The following SLC25A24 variants were observed in gnomAD, a reference collection of about 807,000 sequenced individuals.
SLC25A24 encodes mitochondrial adenyl nucleotide antiporter SLC25A24.
A neutral mutation model predicts 60.7 loss-of-function variants in SLC25A24; 49 were observed. The ratio of observed to expected loss-of-function variants is 0.81; its 90% CI spans 0.64 to 1.02. SLC25A24 has a LOEUF of 1.02. SLC25A24 is among the 50% of genes least tolerant of loss of function. The pLI, the probability that SLC25A24 is intolerant of heterozygous loss-of-function variation, is 0.00. For synonymous variants in SLC25A24, 202 were observed against 200.6 expected (o/e 1.01, Z -0.06); for missense variants, 564 against 586.3 (o/e 0.96, Z 0.39).
intron 8 of SLC25A24, among the ~76,000 whole-genome samples, chr1:108,140,741 T>G (rs1679422367): frequency 6.6e-6 from 1 of 151,060 alleles, no homozygotes; most frequent in African/African-American, 2.4e-5. Context: ...CTTTATGTAG[T>G]TGCAATGGTA....
intron 8 of SLC25A24, 95 bp from the exon 9 acceptor site, chr1:108,139,303 T>C (rs1459260139): frequency 2.3e-6 from 3 of 1,291,274 alleles, no homozygotes; most frequent in African/African-American, 1.5e-5. Context: ...GAAGCCCCGT[T>C]TCTGCAGGAT....
At chr1:108,176,624 G>A (rs79106690) in intron 3 of SLC25A24, among the ~76,000 whole-genome samples, 2,442 of 152,230 alleles carry the variant, frequency 0.016, 20 homozygotes, top group Non-Finnish European at 0.023. Context: ...CCTGAAAACA[G>A]CAAAAGATAA....
At chr1:108,175,905 A>C (rs1571301744) in intron 3 of SLC25A24, among the ~76,000 whole-genome samples, 1 of 152,184 alleles carries the variant, frequency 6.6e-6, no homozygotes, top group African/African-American at 2.4e-5. Flanking sequence ...TTCTCAGACA[A>C]AGCCAGTCTG....
chr1:108,180,658 C>CTCTCTG (rs1558024003), intron 3 of SLC25A24, among the ~76,000 whole-genome samples: 47 of 105,046 alleles, frequency 4.5e-4, no homozygotes, highest in African/African-American at 1.5e-3. Context: ...CTCTCTCTCT[C>CTCTCTG]TCTCTCTCTG....
intron 1 of SLC25A24, among the ~76,000 whole-genome samples, chr1:108,188,565 A>G (rs993841252): frequency 2.0e-5 from 3 of 152,202 alleles, no homozygotes; most frequent in Non-Finnish European, 4.4e-5. Context: ...ATTTTGGCCA[A>G]TGGAAATATC....
At chr1:108,167,437 A>G (rs1397291449) in intron 3 of SLC25A24, among the ~76,000 whole-genome samples, 3 of 152,214 alleles carry the variant, frequency 2.0e-5, no homozygotes, top group African/African-American at 7.2e-5. Context: ...GCTAGCAATC[A>G]GCGAGACTCC....
Position 108,200,111 on chromosome 1 carries a change from G to A in SLC25A24, c.28C>T (p.Leu10=), listed in dbSNP as rs764530479. ...GCGTCCTGGCAGGCCGCGGTGGGCAGCACGAAGTCCCGCAGCCAGCGCAAC... is the reference window on the plus strand; with the variant it reads ...GCGTCCTGGCAGGCCGCGGTGGGCAACACGAAGTCCCGCAGCCAGCGCAAC... MLRWLRDFV[L]PTAACQDAEQ... The change falls in exon 1 of 10, where the codon CTG becomes TTG. Residue 10 remains leucine (L), a synonymous_variant. Transcript: ENST00000565488. 3.2e-6 allele frequency: 5 copies of A among 1,565,836 alleles called. No homozygotes were observed. In the Admixed American group the frequency reaches 9.5e-5, roughly 30 times the overall value.
Position 108,181,975 on chromosome 1 carries a change from TAGTC to T in SLC25A24, c.360_363del (p.Thr121PhefsTer8), listed in dbSNP as rs764911793. 43 of 1,612,898 alleles carry T rather than the reference TAGTC, an allele frequency of 2.7e-5. No homozygotes were observed. Among genetic ancestry groups the T allele is most frequent in the Non-Finnish European group, 3.4e-5 (40 of 1,179,422 alleles). ...ATCAACTCTGCTTGTTGTTCAGAAA[TAGTC>T]AGACCCAGTGTCTGGAGAGACTGGA... On this transcript the variant is annotated frameshift_variant, in exon 3 of 10. Transcript: ENST00000565488. LOFTEE classifies it high-confidence loss of function.
At chr1:108,177,928 G>A (rs1255755660) in intron 3 of SLC25A24, among the ~76,000 whole-genome samples, 2 of 152,144 alleles carry the variant, frequency 1.3e-5, no homozygotes, top group East Asian at 3.8e-4. Context: ...ACTTTGGGAG[G>A]CCAAGGCGGG....
Position 108,191,041 on chromosome 1 carries a change from C to T in SLC25A24, c.184-5087G>A, listed in dbSNP as rs558180414. 1.1e-4 allele frequency among the ~76,000 whole-genome samples: 16 copies of T among 140,458 alleles called. 1 individual carries two copies. The highest frequency in any genetic ancestry group is 4.0e-4 in the African/African-American group (16 of 40,456). The allele number at this position is 140,458 out of a possible 152,430, so 92.1% of individuals were successfully genotyped here. ...CGACTTGATAGCTAACCCAGAATTT[C>T]TTATGAAAGGCTAGTTTGTATCAAA... On this transcript the variant is annotated intron_variant, in intron 1 of 9. Transcript: ENST00000565488.
chr1:108,199,589 A>G (rs1162788106), intron 1 of SLC25A24: 1 of 382,028 alleles, frequency 2.6e-6, no homozygotes, highest in Non-Finnish European at 4.7e-6. Context: ...CTTGGGACCC[A>G]CTGAAGTCTG....
intron 7 of SLC25A24, among the ~76,000 whole-genome samples, chr1:108,146,811 G>A (rs562390295): frequency 6.6e-6 from 1 of 152,276 alleles, no homozygotes; most frequent in South Asian, 2.1e-4. Context: ...GCTGCATTCA[G>A]TTTGCCAGTA....
chr1:108,152,600 A>G (rs1270463933), intron 6 of SLC25A24, among the ~76,000 whole-genome samples: 5 of 151,920 alleles, frequency 3.3e-5, no homozygotes, highest in Admixed American at 3.3e-4. Flanking sequence ...CAAGCAAACT[A>G]CCTCCTAAAG....
chr1:108,188,266 T>C (rs79893684), intron 1 of SLC25A24, among the ~76,000 whole-genome samples: 8,068 of 151,976 alleles, frequency 0.053, 320 homozygotes, highest in Non-Finnish European at 0.083. Context: ...AATTATCGAT[T>C]GGGTACTATG....
At chr1:108,190,308 C>T (rs1420483527) in intron 1 of SLC25A24, among the ~76,000 whole-genome samples, 1 of 152,110 alleles carries the variant, frequency 6.6e-6, no homozygotes, top group African/African-American at 2.4e-5. Context: ...TTCTCTGGTT[C>T]GTCCTAAGTT....
intron 3 of SLC25A24, among the ~76,000 whole-genome samples, chr1:108,170,106 T>A (rs1647398557): frequency 6.6e-6 from 1 of 152,176 alleles, no homozygotes; most frequent in South Asian, 2.1e-4. Context: ...ACTTAATTCT[T>A]TTCTAATAAA....
chr1:108,156,213 G>A (rs1159143969), intron 5 of SLC25A24, among the ~76,000 whole-genome samples: 3 of 152,122 alleles, frequency 2.0e-5, no homozygotes, highest in Non-Finnish European at 2.9e-5. Context: ...ATTTTCATCC[G>A]CATCTTTTCC....
chr1:108,156,801 C>T (rs745481307), intron 5 of SLC25A24, among the ~76,000 whole-genome samples: 1 of 152,138 alleles, frequency 6.6e-6, no homozygotes, highest in Non-Finnish European at 1.5e-5. Context: ...AGCATGAGAA[C>T]CAGGAGCACT....
intron 3 of SLC25A24, among the ~76,000 whole-genome samples, chr1:108,162,051 G>GT (rs1268258417): frequency 6.7e-6 from 1 of 150,222 alleles, no homozygotes; most frequent in African/African-American, 2.4e-5. Flanking sequence ...GCGGTGTTTG[G>GT]TTTTTTGTTC....
Sources: allele counts gnomAD v4.1 joint callset (sites outside exome capture counted in the v4.1 genomes callset), GRCh38; gene constraint gnomAD v4.1.1; transcripts MANE v1.5; gene names NCBI Gene and HGNC (gene_info 2026-07-23, HGNC 2026-07-21).